NYAP2: variants seen among roughly 807,000 people sequenced by gnomAD.
The protein encoded by NYAP2 is neuronal tyrosine-phosphorylated phosphoinositide-3-kinase adapter 2.
NYAP2 carries 23 observed loss-of-function variants against 50.4 expected under a neutral mutation model. The ratio of observed to expected loss-of-function variants is 0.46; its 90% CI spans 0.33 to 0.65. The LOEUF (loss-of-function observed/expected upper bound fraction) is 0.65, where lower values mean the gene tolerates loss of function less well. NYAP2 is among the 30% of genes least tolerant of loss of function. The pLI is 0.02. For synonymous variants in NYAP2, 394 were observed against 365.2 expected (o/e 1.08, Z -0.90); for missense variants, 885 against 861.0 (o/e 1.03, Z -0.35).
intron 3 of NYAP2, among the ~76,000 whole-genome samples, chr2:225,512,667 T>TCTTTGCTTGTCTTGCTTTGCTTGTCTTG (rs981497811): frequency 6.6e-6 from 1 of 151,060 alleles, no homozygotes. Context: ...CTCCCATCTT[T>TCTTTGCTTGTCTTGCTTTGCTTGTCTTG]CTTTGCTTGT....
chr2:225,518,546 A>ATATAAAAATTAGCTTGTGAGCT (rs1690978669), intron 4 of NYAP2, among the ~76,000 whole-genome samples: 1 of 74,314 alleles, frequency 1.3e-5, no homozygotes, highest in African/African-American at 5.0e-5. Flanking sequence ...ATATATATAT[A>ATATAAAAATTAGCTTGTGAGCT]TATATATATA....
intron 5 of NYAP2, among the ~76,000 whole-genome samples, chr2:225,626,068 C>T (rs1693206173): frequency 6.6e-6 from 1 of 152,174 alleles, no homozygotes. Context: ...AGAAAAGTTT[C>T]TAGCTTGGAT....
chr2:225,511,418 C>T (rs1690816767), intron 3 of NYAP2, among the ~76,000 whole-genome samples: 1 of 150,808 alleles, frequency 6.6e-6, no homozygotes, highest in Non-Finnish European at 1.5e-5. Flanking sequence ...AAACACTGCA[C>T]TGACTTAGGA....
At chr2:225,501,617 AT>A (rs199799602) in intron 3 of NYAP2, among the ~76,000 whole-genome samples, 6 of 151,532 alleles carry the variant, frequency 4.0e-5, no homozygotes, top group African/African-American at 1.5e-4. Context: ...TCCATCATAC[AT>A]TTTTTTTTGT....
chr2:225,628,416 G>A (rs1464294343), intron 6 of NYAP2, among the ~76,000 whole-genome samples: 1 of 150,730 alleles, frequency 6.6e-6, no homozygotes, highest in African/African-American at 2.4e-5. Flanking sequence ...CCGACTCCTG[G>A]GTTCAAGTGA....
At chr2:225,496,347 GT>G (rs1690504932) in intron 3 of NYAP2, among the ~76,000 whole-genome samples, 1 of 152,150 alleles carries the variant, frequency 6.6e-6, no homozygotes, top group Non-Finnish European at 1.5e-5. Flanking sequence ...TTTCAAGAAA[GT>G]GTGTGGCCAG....
the NYAP2 span, among the ~76,000 whole-genome samples, chr2:225,680,470 T>A: frequency 6.6e-6 from 1 of 152,102 alleles, no homozygotes; most frequent in Non-Finnish European, 1.5e-5. Flanking sequence ...TTTTCTAGAG[T>A]TCTAGTGTTC....
At chr2:225,424,315 A>G (rs540815672) in intron 3 of NYAP2, among the ~76,000 whole-genome samples, 141 of 152,216 alleles carry the variant, frequency 9.3e-4, no homozygotes, top group African/African-American at 3.3e-3. Flanking sequence ...TTCTTTTAAT[A>G]TTCTCCAGCT....
chr2:225,600,891 C>CT (rs1692680213), intron 5 of NYAP2, among the ~76,000 whole-genome samples: 1 of 152,090 alleles, frequency 6.6e-6, no homozygotes, highest in Admixed American at 6.6e-5. Flanking sequence ...GATTTCATTA[C>CT]TTTTTTAAGG....
chr2:225,533,233 T>C (rs1364261614), intron 4 of NYAP2, among the ~76,000 whole-genome samples: 1 of 152,240 alleles, frequency 6.6e-6, no homozygotes, highest in Non-Finnish European at 1.5e-5. Flanking sequence ...AATGCTCTTA[T>C]GTCTCCAAAA....
intron 5 of NYAP2, among the ~76,000 whole-genome samples, chr2:225,611,200 A>G (rs538625004): frequency 5.3e-5 from 8 of 152,260 alleles, no homozygotes; most frequent in African/African-American, 1.9e-4. Flanking sequence ...TAGTTTCCAG[A>G]CACTTCCCTT....
At chr2:225,508,839 C>A (rs749773336) in intron 3 of NYAP2, among the ~76,000 whole-genome samples, 2 of 152,204 alleles carry the variant, frequency 1.3e-5, no homozygotes, top group African/African-American at 2.4e-5. Flanking sequence ...TGGAAGACGG[C>A]AGCTGGCAGC....
intron 4 of NYAP2, among the ~76,000 whole-genome samples, chr2:225,519,813 T>A (rs1292180711): frequency 2.0e-5 from 3 of 152,178 alleles, no homozygotes; most frequent in Non-Finnish European, 4.4e-5. Flanking sequence ...GGTCAAATGG[T>A]ATTTCTAGTT....
chr2:225,492,131 C>T (rs898867495), intron 3 of NYAP2, among the ~76,000 whole-genome samples: 2 of 152,122 alleles, frequency 1.3e-5, no homozygotes, highest in Non-Finnish European at 2.9e-5. Flanking sequence ...GCCCATGTGG[C>T]CGGTGTGTGT....
the NYAP2 span, among the ~76,000 whole-genome samples, chr2:225,660,416 A>C: frequency 6.7e-6 from 1 of 150,346 alleles, no homozygotes; most frequent in South Asian, 2.1e-4. Flanking sequence ...GGGTCGGGAC[A>C]GCAGGTATTA....
intron 5 of NYAP2, among the ~76,000 whole-genome samples, chr2:225,608,028 G>C (rs1169678170): frequency 6.6e-6 from 1 of 151,974 alleles, no homozygotes. Flanking sequence ...ACTAAATCTT[G>C]ACATCAGATT....
intron 3 of NYAP2, among the ~76,000 whole-genome samples, chr2:225,430,425 C>A: frequency 6.6e-6 from 1 of 152,112 alleles, no homozygotes; most frequent in Non-Finnish European, 1.5e-5. Flanking sequence ...ATTTTAATAG[C>A]ATCAAAGTTA....
In NYAP2 at chr2:225,582,119, C is replaced by T. The variant is rs775269602; in HGVS notation, c.702C>T (p.Pro234=). The change falls in exon 5 of 7, where the codon CCC becomes CCT. Residue 234 remains proline, a synonymous_variant. Transcript: ENST00000636099. This position sits in a 1 kb window ranked among gnomAD's most constrained non-coding sequence, Gnocchi z 7.0. ...CCTCCTTGTCCCAGATGGGCAGCCC[C>T]GCGGGAGACCCCGAGGAAGAGGAGC... 16 of 1,613,804 alleles carry T rather than the reference C, an allele frequency of 9.9e-6. No individual in the cohort carries two copies. The highest frequency in any genetic ancestry group is 7.7e-5 in the South Asian group (7 of 91,086).
intron 3 of NYAP2, among the ~76,000 whole-genome samples, chr2:225,422,874 T>C (rs966739187): frequency 1.3e-5 from 2 of 152,298 alleles, no homozygotes; most frequent in South Asian, 4.1e-4. Context: ...TAATGATAGA[T>C]ACTATGACTA....
Sources: allele counts gnomAD v4.1 joint callset (sites outside exome capture counted in the v4.1 genomes callset), GRCh38; gene constraint gnomAD v4.1.1; non-coding constraint Gnocchi (gnomAD v3.1); transcripts MANE v1.5; gene names NCBI Gene and HGNC (gene_info 2026-07-23, HGNC 2026-07-21).